CCDC18: variants seen among roughly 807,000 people sequenced by gnomAD.
The protein encoded by CCDC18 is coiled-coil domain-containing protein 18.
In CCDC18, 157 loss-of-function variants were observed where a neutral mutation model predicts 196.0. The observed-to-expected ratio is 0.80, with a 90% CI of 0.70 to 0.91. The LOEUF (loss-of-function observed/expected upper bound fraction) is 0.91, where lower values mean the gene tolerates loss of function less well. Among genes scored for constraint, CCDC18 ranks in the 40% least tolerant of loss-of-function variants. The pLI, the probability that CCDC18 is intolerant of heterozygous loss-of-function variation, is 0.00. For synonymous variants in CCDC18, 482 were observed against 529.2 expected, an observed-to-expected ratio of 0.91 and a Z score of 1.22; for missense variants, 1,465 against 1,611.6, an observed-to-expected ratio of 0.91 and a Z score of 1.56.
chr1:93,250,696 C>T (rs975255244), intron 23 of CCDC18, among the ~76,000 whole-genome samples: 3 of 152,148 alleles, frequency 2.0e-5, no homozygotes, highest in Non-Finnish European at 2.9e-5. Flanking sequence ...GCTAGCGTGA[C>T]ACATTTATCA....
intron 12 of CCDC18, 23 bp from the exon 13 acceptor site, chr1:93,216,613 C>T (rs772447977): frequency 8.5e-7 from 1 of 1,175,722 alleles, no homozygotes; most frequent in Non-Finnish European, 1.2e-6. Flanking sequence ...AATAATTTTA[C>T]ATTTATTTCA....
At chr1:93,238,353 T>C (rs754206219) in intron 19 of CCDC18, among the ~76,000 whole-genome samples, 4 of 152,208 alleles carry the variant, frequency 2.6e-5, no homozygotes, top group Non-Finnish European at 1.5e-5. Context: ...CTTTAGCTTG[T>C]CTTCTATACA....
At chr1:93,237,652 A>G (rs1370472258) in intron 19 of CCDC18, among the ~76,000 whole-genome samples, 1 of 152,122 alleles carries the variant, frequency 6.6e-6, no homozygotes, top group East Asian at 1.9e-4. Flanking sequence ...TGAAGTATAT[A>G]CTATACTTGG....
chr1:93,233,702 G>A (rs1659588045), intron 18 of CCDC18, among the ~76,000 whole-genome samples: 1 of 152,100 alleles, frequency 6.6e-6, no homozygotes, highest in Non-Finnish European at 1.5e-5. Flanking sequence ...GGGTTCAAGC[G>A]ATTCTCCCAC....
At position 93,184,106 on chromosome 1, in the gene CCDC18, C is replaced by A; in HGVS notation, c.263C>A (p.Ser88Tyr). Residue 88 changes from serine to tyrosine, a missense_variant, in exon 3 of 29, where the codon TCT becomes TAT. Coordinates refer to ENST00000690025, the MANE Select transcript of CCDC18 (RefSeq NM_001378204.1). ...CCTTATGAAAACGTCTGTAAAATAT[C>A]TGGTAGCAGCACTGATTTTCAAAAA... ...YSPYENVCKI[S>Y]GSSTDFQKKP... The A allele has an allele frequency of 6.4e-7, 1 of 1,561,798 alleles. No individual in the cohort carries two copies. The highest frequency in any genetic ancestry group is 1.2e-5 in the South Asian group (1 of 81,476).
Position 93,180,794 on chromosome 1 carries a change from C to G in CCDC18, c.-61C>G, listed in dbSNP as rs758022933. On this transcript the variant is annotated 5_prime_UTR_variant, in exon 1 of 29. Transcript: ENST00000690025. ...GTCCGAGGCTTCCACGCGCAGGGGC[C>G]CGGGAAAGGGTCAGAGGCTTCCTAA... 13 of 1,367,606 alleles carry G rather than the reference C, an allele frequency of 9.5e-6. No individual in the cohort carries two copies. Among genetic ancestry groups the G allele is most frequent in the African/African-American group, 1.5e-5 (1 of 67,710 alleles). The allele number at this position is 1,367,606 out of a possible 1,614,324, so 84.7% of individuals were successfully genotyped here. A position where few individuals can be genotyped will look rare whatever the true frequency, so the allele number is the denominator to read the frequency against.
intron 4 of CCDC18, among the ~76,000 whole-genome samples, chr1:93,187,439 G>C (rs1470963383): frequency 6.6e-6 from 1 of 151,670 alleles, no homozygotes; most frequent in Non-Finnish European, 1.5e-5. Flanking sequence ...GCATGTGTCT[G>C]TGTGTGTGTG....
intron 28 of CCDC18, among the ~76,000 whole-genome samples, chr1:93,275,305 C>T (rs1469173746): frequency 1.3e-5 from 2 of 152,068 alleles, no homozygotes; most frequent in African/African-American, 4.8e-5. Context: ...GATGGGGTTT[C>T]ACCATGTTGG....
Position 93,183,428 on chromosome 1 carries a change from G to C in CCDC18, c.67G>C (p.Ala23Pro). 1 of 1,606,994 alleles carries C rather than the reference G, an allele frequency of 6.2e-7. No individual in the cohort carries two copies. The highest frequency in any genetic ancestry group is 1.3e-5 in the African/African-American group (1 of 74,822). The change falls in exon 2 of 29, where the codon GCT becomes CCT. Residue 23 changes from alanine to proline, a missense_variant. Transcript: ENST00000690025. ...AGAGGAAAGTTTGCTTGCAAATGTT[G>C]CTTCCTTAAGACATGAACTGAAGAT... ...NEEESLLANVASLRHELKITE... is the reference protein window; with the variant it reads ...NEEESLLANVPSLRHELKITE...
At chr1:93,197,877 T>C (rs1282278704) in intron 6 of CCDC18, among the ~76,000 whole-genome samples, 1 of 150,272 alleles carries the variant, frequency 6.7e-6, no homozygotes, top group African/African-American at 2.4e-5. Flanking sequence ...TCAGCCTCTC[T>C]AGTAGCTGGG....
chr1:93,239,905 A>C lies in CCDC18; in HGVS notation c.2981+9A>C, dbSNP rs1295875305. Reference sequence around the variant, plus strand: ...CTCACAGCTGAACTTAGGTGAGTTAAATAATAAGAAATTATATCACAGTTA... The same window carrying C: ...CTCACAGCTGAACTTAGGTGAGTTACATAATAAGAAATTATATCACAGTTA... On this transcript the variant is annotated intron_variant, in intron 21 of 28. Coordinates refer to ENST00000690025, the MANE Select transcript of CCDC18 (RefSeq NM_001378204.1). 6.7e-7 allele frequency: 1 copy of C among 1,483,432 alleles called. No individual in the cohort carries two copies. Among genetic ancestry groups the C allele is most frequent in the South Asian group, 1.2e-5 (1 of 85,866 alleles). The allele number at this position is 1,483,432 out of a possible 1,614,324, so 91.9% of individuals were successfully genotyped here.
At chr1:93,249,311 T>C (rs775908981) in intron 23 of CCDC18, among the ~76,000 whole-genome samples, 29 of 152,310 alleles carry the variant, frequency 1.9e-4, no homozygotes, top group Non-Finnish European at 3.8e-4. Flanking sequence ...AGTTGTAATG[T>C]TTCCTTTTTC....
intron 23 of CCDC18, among the ~76,000 whole-genome samples, chr1:93,251,896 C>G (rs1662298940): frequency 6.6e-6 from 1 of 152,116 alleles, no homozygotes. Context: ...CCCTTTTTAA[C>G]TCCAATAATT....
rs1203186672 is a variant in CCDC18 at position 93,223,896 on chromosome 1, TTTATACACACAC to T, written c.2175+1961_2175+1972del. On this transcript the variant is annotated intron_variant, in intron 16 of 28. Coordinates refer to ENST00000690025, the MANE Select transcript of CCDC18 (RefSeq NM_001378204.1). Reference sequence around the variant, plus strand: ...TTTGTTTTTGTTTTGATTTCATTTATTTATACACACACACACACACACACACACACACACACA... The same window carrying T: ...TTTGTTTTTGTTTTGATTTCATTTATACACACACACACACACACACACACA... 2.1e-3 allele frequency among the ~76,000 whole-genome samples: 264 copies of T among 124,054 alleles called. 1 individual carries two copies. The highest frequency in any genetic ancestry group is 7.3e-3 in the African/African-American group (248 of 33,962). The allele number at this position is 124,054 out of a possible 152,430, so 81.4% of individuals were successfully genotyped here. A position where few individuals can be genotyped will look rare whatever the true frequency, so the allele number is the denominator to read the frequency against.
chr1:93,181,607 A>G (rs555538686), intron 1 of CCDC18, among the ~76,000 whole-genome samples: 2 of 152,150 alleles, frequency 1.3e-5, no homozygotes, highest in African/African-American at 4.8e-5. Flanking sequence ...ACTGCAGAAG[A>G]GTTAGGGAGT....
In CCDC18 at chr1:93,264,730, G is replaced by A; in HGVS notation, c.3714G>A (p.Lys1238=). The change falls in exon 27 of 29, where the codon AAG becomes AAA. Residue 1238 remains lysine, a synonymous_variant. Transcript: ENST00000690025. ...EMISHQENHA[K]WKISADSQKS... ...TTTCACATCAAGAGAACCATGCAAA[G>A]TGGAAGATTTCTGCTGACTCTCAAA... The A allele has an allele frequency of 1.9e-6, 3 of 1,612,768 alleles. No individual in the cohort carries two copies. The highest frequency in any genetic ancestry group is 3.3e-5 in the Admixed American group (2 of 59,992).
chr1:93,237,512 C>G (rs1382513907), intron 19 of CCDC18, among the ~76,000 whole-genome samples: 1 of 152,188 alleles, frequency 6.6e-6, no homozygotes, highest in African/African-American at 2.4e-5. Flanking sequence ...TCTGTATTCA[C>G]TACTTTTTCT....
intron 4 of CCDC18, among the ~76,000 whole-genome samples, 168 bp downstream of exon 4, chr1:93,186,671 A>G (rs1051164005): frequency 3.3e-5 from 5 of 152,026 alleles, no homozygotes; most frequent in African/African-American, 1.2e-4. Flanking sequence ...TGTATGAATT[A>G]TATCTGAAAA....
At chr1:93,192,794 A>T (rs1410511923) in intron 5 of CCDC18, among the ~76,000 whole-genome samples, 1 of 152,204 alleles carries the variant, frequency 6.6e-6, no homozygotes, top group Non-Finnish European at 1.5e-5. Context: ...AAATATATGC[A>T]TATTAAATAA....
Sources: allele counts gnomAD v4.1 joint callset (sites outside exome capture counted in the v4.1 genomes callset), GRCh38; gene constraint gnomAD v4.1.1; transcripts MANE v1.5; gene names NCBI Gene and HGNC (gene_info 2026-07-23, HGNC 2026-07-21).